SGCZ: variants seen among roughly 807,000 people sequenced by gnomAD.
SGCZ encodes the protein zeta-sarcoglycan.
In SGCZ, 40 loss-of-function variants were observed where a neutral mutation model predicts 41.3. That is an observed-to-expected ratio of 0.97 (90% CI 0.75 to 1.26). SGCZ has a LOEUF of 1.26. SGCZ is among the 50% of genes most tolerant of loss of function. The pLI, the probability that SGCZ is intolerant of heterozygous loss-of-function variation, is 0.00. For missense variants in SGCZ, 552 were observed against 369.8 expected (o/e 1.49, Z -4.04); for synonymous variants, 206 against 137.5 (o/e 1.50, Z -3.49).
At chr8:14,336,036 T>C (rs1402827541) in intron 2 of SGCZ, among the ~76,000 whole-genome samples, 1 of 152,082 alleles carries the variant, frequency 6.6e-6, no homozygotes, top group African/African-American at 2.4e-5. Flanking sequence ...TAGTTCCCAG[T>C]AGTTATTTAT....
rs551405063 is a variant in SGCZ at position 15,141,904 on chromosome 8, A to C, written c.39+95681T>G. On this transcript the variant is annotated intron_variant, in intron 1 of 7. Coordinates refer to ENST00000382080, the MANE Select transcript of SGCZ (RefSeq NM_139167.4). ...AACAGTGTGAGACTCTCAAAAAAAA[A>C]AAAAACAAAAAAAATGAGAACCTCA... Among the ~76,000 whole-genome samples, 6 of 152,090 alleles carry C rather than the reference A, an allele frequency of 3.9e-5. No homozygotes were observed. In the South Asian group the frequency reaches 1.2e-3, roughly 32 times the overall value.
chr8:14,085,717 T>A lies in SGCZ; in HGVS notation c.*4726A>T, dbSNP rs1274053859. ...TAGGTTTTATGAATACCAAGGAGTT[T>A]GTTATGCATGTATAAAAGAAAAGTG... On this transcript the variant is annotated 3_prime_UTR_variant, in exon 8 of 8. Transcript: ENST00000382080. Among the ~76,000 whole-genome samples the A allele has an allele frequency of 6.6e-6, 1 of 151,766 alleles. No homozygotes were observed. The highest frequency in any genetic ancestry group is 1.5e-5 in the Non-Finnish European group (1 of 67,776).
At chr8:14,615,763 G>C (rs1585127428) in intron 1 of SGCZ, among the ~76,000 whole-genome samples, 1 of 152,106 alleles carries the variant, frequency 6.6e-6, no homozygotes, top group Non-Finnish European at 1.5e-5. Context: ...ACAACCTAGA[G>C]TAAGAAATAC....
intron 1 of SGCZ, among the ~76,000 whole-genome samples, chr8:14,861,659 T>C (rs1193242093): frequency 6.6e-6 from 1 of 152,116 alleles, no homozygotes; most frequent in Non-Finnish European, 1.5e-5. Flanking sequence ...ATGATTTCCA[T>C]TTTAGAAACT....
chr8:14,720,281 T>A (rs893418448), intron 1 of SGCZ, among the ~76,000 whole-genome samples: 3 of 151,956 alleles, frequency 2.0e-5, no homozygotes, highest in Non-Finnish European at 2.9e-5. Context: ...AAATTCACAG[T>A]TTGCTTCTCC....
intron 1 of SGCZ, among the ~76,000 whole-genome samples, chr8:14,655,740 T>G (rs924524445): frequency 6.6e-6 from 1 of 152,078 alleles, no homozygotes; most frequent in Non-Finnish European, 1.5e-5. Flanking sequence ...TAAGAATCTC[T>G]CATGTTACCC....
intron 1 of SGCZ, among the ~76,000 whole-genome samples, chr8:14,648,177 A>T (rs1343995683): frequency 2.0e-5 from 3 of 152,224 alleles, no homozygotes; most frequent in South Asian, 4.2e-4. Context: ...GTACATATTT[A>T]AAAAATCATA....
intron 1 of SGCZ, among the ~76,000 whole-genome samples, chr8:14,917,110 C>G (rs1047651323): frequency 5.3e-5 from 8 of 152,164 alleles, no homozygotes; most frequent in South Asian, 4.1e-4. Flanking sequence ...GCAGGTACAG[C>G]TATTAGCTAA....
At chr8:14,618,360 G>A (rs1028160600) in intron 1 of SGCZ, among the ~76,000 whole-genome samples, 2 of 152,096 alleles carry the variant, frequency 1.3e-5, no homozygotes, top group Non-Finnish European at 2.9e-5. Flanking sequence ...TAGAAAGAAC[G>A]GAATTAGAAC....
At chr8:14,708,364 G>C (rs1256881573) in intron 1 of SGCZ, among the ~76,000 whole-genome samples, 1 of 151,464 alleles carries the variant, frequency 6.6e-6, no homozygotes, top group African/African-American at 2.4e-5. Flanking sequence ...TTTACATAAA[G>C]AGATTTAATC....
chr8:14,140,758 T>G (rs1027494537), intron 5 of SGCZ, among the ~76,000 whole-genome samples: 7 of 152,138 alleles, frequency 4.6e-5, no homozygotes, highest in African/African-American at 7.2e-5. Context: ...AGGTAATTTA[T>G]AGATTCAATG....
At chr8:14,186,383 T>C (rs2117035407) in intron 4 of SGCZ, among the ~76,000 whole-genome samples, 1 of 152,340 alleles carries the variant, frequency 6.6e-6, no homozygotes, top group Non-Finnish European at 1.5e-5. Context: ...AATTCCACTT[T>C]ATGTAGGTGC....
At chr8:14,150,950 C>T (rs1276562783) in intron 5 of SGCZ, among the ~76,000 whole-genome samples, 1 of 152,110 alleles carries the variant, frequency 6.6e-6, no homozygotes, top group Non-Finnish European at 1.5e-5. Flanking sequence ...CATGTTCTCA[C>T]TTATTTGTGG....
At chr8:14,422,910 C>T (rs1356302525) in intron 2 of SGCZ, among the ~76,000 whole-genome samples, 1 of 152,050 alleles carries the variant, frequency 6.6e-6, no homozygotes, top group Non-Finnish European at 1.5e-5. Flanking sequence ...CACATTTAGT[C>T]CCAGCCACTT....
chr8:14,334,625 T>C (rs1284124017), intron 2 of SGCZ, among the ~76,000 whole-genome samples: 2 of 152,126 alleles, frequency 1.3e-5, no homozygotes, highest in East Asian at 3.9e-4. Flanking sequence ...CCCTGATTCA[T>C]TTCCCAGCAC....
chr8:14,914,857 C>A (rs181262680), intron 1 of SGCZ, among the ~76,000 whole-genome samples: 81 of 152,234 alleles, frequency 5.3e-4, no homozygotes, highest in African/African-American at 1.8e-3. Flanking sequence ...GAAGGCCTCA[C>A]GATGTAGAAG....
chr8:15,210,429 C>G (rs1801199503), intron 1 of SGCZ, among the ~76,000 whole-genome samples: 1 of 152,108 alleles, frequency 6.6e-6, no homozygotes, highest in Non-Finnish European at 1.5e-5. Context: ...CTCCAATTTC[C>G]CACTGTGTCC....
At chr8:14,281,193 A>T (rs921848799) in intron 3 of SGCZ, among the ~76,000 whole-genome samples, 1 of 151,990 alleles carries the variant, frequency 6.6e-6, no homozygotes, top group Non-Finnish European at 1.5e-5. Context: ...TACATATGAG[A>T]CTTAGTTTCT....
intron 6 of SGCZ, among the ~76,000 whole-genome samples, chr8:14,105,166 A>G (rs1409485098): frequency 6.6e-6 from 1 of 152,064 alleles, no homozygotes; most frequent in Admixed American, 6.5e-5. Flanking sequence ...AAACAGTATC[A>G]TCTTATCTAA....
Sources: gnomAD v4.1 joint callset for allele counts (sites outside exome capture counted in the v4.1 genomes callset) on GRCh38, gnomAD v4.1.1 for gene constraint, MANE v1.5 for transcripts, NCBI Gene and HGNC (gene_info 2026-07-23, HGNC 2026-07-21) for gene names.